Variants in TUFT1 observed in about 807,000 individuals in gnomAD.
TUFT1 encodes tuftelin.
In TUFT1, 43 loss-of-function variants were observed where a neutral mutation model predicts 57.8. The observed-to-expected ratio is 0.74, with a 90% CI of 0.58 to 0.96. The LOEUF (loss-of-function observed/expected upper bound fraction) is 0.96, where lower values mean the gene tolerates loss of function less well. Among genes scored for constraint, TUFT1 ranks in the 40% least tolerant of loss-of-function variants. The pLI is 0.00. For synonymous variants in TUFT1, 166 were observed against 176.7 expected (o/e 0.94, Z 0.48); for missense variants, 459 against 489.0 (o/e 0.94, Z 0.58).
At chr1:151,569,572 C>T (rs1339058101) in intron 6 of TUFT1, 85 bp from the exon 7 acceptor site, 1 of 1,103,250 alleles carries the variant, frequency 9.1e-7, no homozygotes, top group East Asian at 2.4e-5. Context: ...ATGGTCCAAA[C>T]CAGTGTGTGC....
chr1:151,564,246 C>T (rs1665992512), intron 4 of TUFT1, among the ~76,000 whole-genome samples: 1 of 152,190 alleles, frequency 6.6e-6, no homozygotes, highest in East Asian at 1.9e-4. Context: ...CTTTTCACAG[C>T]ATTTCTTAAC....
rs768457583 is a variant in TUFT1 at position 151,578,838 on chromosome 1, T to A, written c.924+12T>A. On this transcript the variant is annotated intron_variant, in intron 10 of 12. Coordinates refer to ENST00000368849, the MANE Select transcript of TUFT1 (RefSeq NM_020127.3). ...AAATGATAGAGCAGGTAAGTTGGGC[T>A]GGTTTGTAACCTGCCCTCGGGGAGT... 2.6e-6 allele frequency: 4 copies of A among 1,551,922 alleles called. No individual in the cohort carries two copies. In the South Asian group the frequency reaches 4.7e-5, roughly 18 times the overall value.
intron 1 of TUFT1, among the ~76,000 whole-genome samples, chr1:151,556,397 G>A (rs767339750): frequency 2.1e-5 from 1 of 47,010 alleles, no homozygotes; most frequent in African/African-American, 8.0e-5. Context: ...CCCCCTCCCC[G>A]TCTCCTCCCT....
chr1:151,562,120 C>A lies in TUFT1; in HGVS notation c.90C>A (p.Leu30=). The change falls in exon 2 of 13, where the codon CTC becomes CTA. Residue 30 remains leucine, a synonymous_variant. Coordinates refer to ENST00000368849, the MANE Select transcript of TUFT1 (RefSeq NM_020127.3). ...AGSVDILRLT[L]QGELTGDELE... Reference sequence around the variant, plus strand: ...GCGTGGACATTCTCAGGCTGACTCTCCAGGGTGAACTGACAGGAGATGAAC... The same window carrying A: ...GCGTGGACATTCTCAGGCTGACTCTACAGGGTGAACTGACAGGAGATGAAC... 6.2e-7 allele frequency: 1 copy of A among 1,614,176 alleles called. No homozygotes were observed. Among genetic ancestry groups the A allele is most frequent in the Non-Finnish European group, 8.5e-7 (1 of 1,180,012 alleles).
At chr1:151,557,565 C>A in intron 1 of TUFT1, 2 of 1,134,584 alleles carry the variant, frequency 1.8e-6, no homozygotes, top group South Asian at 1.2e-5. Flanking sequence ...AGGATGTGCC[C>A]AATCTTCATG....
intron 9 of TUFT1, among the ~76,000 whole-genome samples, chr1:151,575,730 G>T (rs1558015104): frequency 6.6e-6 from 1 of 152,330 alleles, no homozygotes; most frequent in East Asian, 1.9e-4. Flanking sequence ...TATTTGGTTT[G>T]ATCTTCATTG....
chr1:151,548,764 C>A (rs1034549411), intron 1 of TUFT1, among the ~76,000 whole-genome samples: 2 of 152,138 alleles, frequency 1.3e-5, no homozygotes, highest in African/African-American at 4.8e-5. Flanking sequence ...AGCTCAGGGG[C>A]AATCTCCACT....
rs769921237 is a variant in TUFT1 at position 151,574,998 on chromosome 1, C to T, written c.811C>T (p.Arg271Ter). The change falls in exon 9 of 13, where the codon CGA becomes TGA. Residue 271 changes from arginine to a stop codon, truncating the protein, a stop_gained. Coordinates refer to ENST00000368849, the MANE Select transcript of TUFT1 (RefSeq NM_020127.3). LOFTEE classifies it high-confidence loss of function. ...CAACAATGCTGACTGCCAAGCAGAA[C>T]GAGAAAAGTAAGGGCTTGGCTCTTG... The part of the protein sequence containing the change: ...RSNNADCQAE[R>*]EKAATLEKEV... 12 of 1,561,282 alleles carry T rather than the reference C, an allele frequency of 7.7e-6. No individual in the cohort carries two copies. Among genetic ancestry groups the T allele is most frequent in the African/African-American group, 4.1e-5 (3 of 73,710 alleles).
chr1:151,555,757 A>T (rs1665675845), intron 1 of TUFT1, among the ~76,000 whole-genome samples: 1 of 149,064 alleles, frequency 6.7e-6, no homozygotes, highest in African/African-American at 2.5e-5. Context: ...AGCCTGGGTG[A>T]CAAGGTGAGA....
At chr1:151,572,290 A>C (rs1053600020) in intron 7 of TUFT1, among the ~76,000 whole-genome samples, 2 of 152,060 alleles carry the variant, frequency 1.3e-5, no homozygotes, top group African/African-American at 4.8e-5. Context: ...AGGTTGGCAC[A>C]CCTTTTTATA....
chr1:151,549,174 C>T (rs924212490), intron 1 of TUFT1, among the ~76,000 whole-genome samples: 6 of 152,210 alleles, frequency 3.9e-5, no homozygotes, highest in Admixed American at 3.3e-4. Flanking sequence ...GAAGGCTCCA[C>T]TTCTCATCTT....
At chr1:151,562,759 A>T (rs1203791996) in intron 3 of TUFT1, 73 bp downstream of exon 3, 1 of 1,326,296 alleles carries the variant, frequency 7.5e-7, no homozygotes, top group Non-Finnish European at 1.1e-6. Flanking sequence ...GGAGCAGTTG[A>T]TGTTGTTGCC....
rs1361434852 is a variant in TUFT1 at position 151,582,349 on chromosome 1, G to A, written c.*642G>A. 2 of 381,552 alleles carry A rather than the reference G, an allele frequency of 5.2e-6. No homozygotes were observed. Among genetic ancestry groups the A allele is most frequent in the Admixed American group, 3.2e-5 (1 of 31,610 alleles). The allele number at this position is 381,552 out of a possible 1,614,324, so 23.6% of individuals were successfully genotyped here. A position where few individuals can be genotyped will look rare whatever the true frequency, so the allele number is the denominator to read the frequency against. On this transcript the variant is annotated 3_prime_UTR_variant, in exon 13 of 13. Transcript: ENST00000368849. ...GTACATTCAGGGAGTAGCCTTTTGC[G>A]GAAAAATTCTCTAGGGCTACAGACA...
intron 10 of TUFT1, 131 bp from the exon 11 acceptor site, chr1:151,579,518 T>G (rs1666579324): frequency 1.3e-5 from 10 of 787,676 alleles, no homozygotes; most frequent in Admixed American, 2.6e-5. Context: ...AAGGAGGCCT[T>G]TGTAGAAAAG....
intron 3 of TUFT1, 103 bp downstream of exon 3, chr1:151,562,789 AT>A: frequency 5.1e-6 from 5 of 975,462 alleles, no homozygotes; most frequent in Non-Finnish European, 8.0e-6. Context: ...TTGTGGTTTG[AT>A]GGAAGGAACC....
At chr1:151,578,901 C>A in intron 10 of TUFT1, 75 bp downstream of exon 10, 2 of 1,217,476 alleles carry the variant, frequency 1.6e-6, no homozygotes, top group Non-Finnish European at 2.3e-6. Context: ...TCCTAGGGAG[C>A]TTGACTTATA....
At chr1:151,551,103 C>A (rs4970959) in intron 1 of TUFT1, among the ~76,000 whole-genome samples, 146,282 of 152,280 alleles carry the variant, frequency 0.96, 70,545 homozygotes, top group East Asian at 1. Flanking sequence ...TTTAATTTGC[C>A]TTTTCCTTTA....
Position 151,562,651 on chromosome 1 carries a change from G to A in TUFT1, c.202G>A (p.Val68Met). The change falls in exon 3 of 13, where the codon GTG (valine) becomes ATG (methionine). Residue 68 changes from valine to methionine, a missense_variant. By Grantham distance (21) the Val-to-Met change is conservative. Coordinates refer to ENST00000368849, the MANE Select transcript of TUFT1 (RefSeq NM_020127.3). ...TGGTCATTCTCTGGCTTCAGAACTG[G>A]TGGAGTCCCATGATGGACATGAGGA... ...SAGHSLASEL[V>M]ESHDGHEEII... is the part of the protein sequence containing the mutation. The A allele has an allele frequency of 6.2e-7, 1 of 1,613,408 alleles. No individual in the cohort carries two copies. The highest frequency in any genetic ancestry group is 1.7e-5 in the Admixed American group (1 of 60,012).
chr1:151,546,067 T>C (rs1665329116), intron 1 of TUFT1, among the ~76,000 whole-genome samples: 1 of 151,546 alleles, frequency 6.6e-6, no homozygotes, highest in African/African-American at 2.4e-5. Flanking sequence ...CATTTTAAAA[T>C]TTATCTACAT....
Sources: allele counts gnomAD v4.1 joint callset (sites outside exome capture counted in the v4.1 genomes callset), GRCh38; gene constraint gnomAD v4.1.1; transcripts MANE v1.5; gene names NCBI Gene and HGNC (gene_info 2026-07-23, HGNC 2026-07-21).